NRXN1: variants seen among roughly 807,000 people sequenced by gnomAD.
The protein encoded by NRXN1 is neurexin 1.
In NRXN1, 39 loss-of-function variants were observed where a neutral mutation model predicts 150.9. The observed-to-expected ratio is 0.26, with a 90% confidence interval of 0.20 to 0.34. The LOEUF is 0.34. NRXN1 is among the 10% of genes least tolerant of loss of function. The pLI is 1.00. For synonymous variants in NRXN1, 924 were observed against 757.0 expected (o/e 1.22, Z -3.62); for missense variants, 1,815 against 1,949.9 (o/e 0.93, Z 1.30).
intron 5 of NRXN1, among the ~76,000 whole-genome samples, chr2:50,647,847 GA>G (rs761508694): frequency 4.4e-4 from 66 of 151,690 alleles, no homozygotes; most frequent in Admixed American, 9.2e-4. Context: ...AATGACAGAA[GA>G]AGAAAAATAC....
intron 2 of NRXN1, among the ~76,000 whole-genome samples, chr2:51,004,865 A>G (rs1700516405): frequency 6.6e-6 from 1 of 151,992 alleles, no homozygotes; most frequent in African/African-American, 2.4e-5. Flanking sequence ...CTTAGTAAGC[A>G]CTGAAATAGA....
intron 5 of NRXN1, among the ~76,000 whole-genome samples, chr2:50,856,605 C>T (rs965842102): frequency 4.6e-5 from 7 of 152,146 alleles, no homozygotes; most frequent in Non-Finnish European, 7.4e-5. Flanking sequence ...TATAAATTAT[C>T]CACATTTCCC....
intron 5 of NRXN1, among the ~76,000 whole-genome samples, chr2:50,798,319 A>T (rs551101127): frequency 1.3e-5 from 2 of 152,236 alleles, no homozygotes; most frequent in Non-Finnish European, 2.9e-5. Context: ...TTGTATAATT[A>T]GAAAAAGCTT....
At chr2:50,692,034 T>G (rs939993196) in intron 5 of NRXN1, among the ~76,000 whole-genome samples, 15 of 152,108 alleles carry the variant, frequency 9.9e-5, no homozygotes, top group African/African-American at 3.6e-4. Flanking sequence ...CGTCTGTGTG[T>G]GAAAACAAAA....
intron 21 of NRXN1, among the ~76,000 whole-genome samples, chr2:50,003,026 C>T (rs1364673383): frequency 1.3e-5 from 2 of 151,998 alleles, no homozygotes; most frequent in South Asian, 2.1e-4. Context: ...AGAGTCTGGG[C>T]CAAAAGATTT....
At chr2:50,882,738 A>G (rs1223621474) in intron 5 of NRXN1, among the ~76,000 whole-genome samples, 1 of 151,884 alleles carries the variant, frequency 6.6e-6, no homozygotes, top group African/African-American at 2.4e-5. Flanking sequence ...AGCATTTCTT[A>G]GAAATTCCTT....
In NRXN1 at chr2:50,301,243, G is replaced by A. The variant is rs1213898228; in HGVS notation, c.3365-64273C>T. 4.6e-5 allele frequency among the ~76,000 whole-genome samples: 7 copies of A among 152,138 alleles called. No homozygotes were observed. In the East Asian group the frequency reaches 1.4e-3, roughly 29 times the overall value. The stretch of plus-strand genomic sequence containing the variant: ...GCAAACACACTATAGCCCTTACCAT[G>A]TGCCAGGCAGTGTCCTGAGTGCTTT... On this transcript the variant is annotated intron_variant, in intron 17 of 22. Coordinates refer to ENST00000401669, the MANE Select transcript of NRXN1 (RefSeq NM_001330078.2).
chr2:50,755,427 C>A (rs1701052464), intron 5 of NRXN1, among the ~76,000 whole-genome samples: 1 of 151,742 alleles, frequency 6.6e-6, no homozygotes, highest in Non-Finnish European at 1.5e-5. Context: ...AAACACAAAA[C>A]CAGAAAGCTT....
chr2:50,251,448 G>A (rs866385960), intron 17 of NRXN1, among the ~76,000 whole-genome samples: 1 of 152,044 alleles, frequency 6.6e-6, no homozygotes, highest in South Asian at 2.1e-4. Flanking sequence ...CATTTGGAGT[G>A]GTTCCATGTC....
At chr2:50,149,465 T>A (rs897143403) in intron 18 of NRXN1, among the ~76,000 whole-genome samples, 6 of 151,758 alleles carry the variant, frequency 4.0e-5, no homozygotes, top group Admixed American at 3.3e-4. Flanking sequence ...GCAAATGATA[T>A]GGAATACCAT....
chr2:50,156,050 A>G (rs190462039), intron 18 of NRXN1, among the ~76,000 whole-genome samples: 181 of 151,892 alleles, frequency 1.2e-3, no homozygotes, highest in African/African-American at 4.1e-3. Flanking sequence ...TTTAGCATTT[A>G]TCTCTGGATG....
At chr2:50,737,523 A>G (rs1698914796) in intron 5 of NRXN1, among the ~76,000 whole-genome samples, 1 of 152,182 alleles carries the variant, frequency 6.6e-6, no homozygotes, top group Admixed American at 6.5e-5. Flanking sequence ...CTGGGATGTG[A>G]ACCCAGGTTG....
At chr2:50,893,680 G>A (rs574686870) in intron 5 of NRXN1, among the ~76,000 whole-genome samples, 1 of 152,226 alleles carries the variant, frequency 6.6e-6, no homozygotes, top group South Asian at 2.1e-4. Flanking sequence ...GTAATGTACA[G>A]TCAGCATATA....
chr2:49,941,556 A>G (rs914551817), intron 22 of NRXN1, among the ~76,000 whole-genome samples: 3 of 152,110 alleles, frequency 2.0e-5, no homozygotes, highest in African/African-American at 4.8e-5. Context: ...TTTAAGTGCA[A>G]TTAGTTACTG....
At chr2:50,483,698 G>A (rs1046943007) in intron 15 of NRXN1, among the ~76,000 whole-genome samples, 3 of 152,108 alleles carry the variant, frequency 2.0e-5, no homozygotes, top group Non-Finnish European at 4.4e-5. Flanking sequence ...GCACTTCAGC[G>A]TTTGACTCCC....
intron 17 of NRXN1, among the ~76,000 whole-genome samples, chr2:50,433,056 G>C (rs902212038): frequency 6.6e-6 from 1 of 152,108 alleles, no homozygotes; most frequent in African/African-American, 2.4e-5. Context: ...ATGATACATA[G>C]AAGGAAACAC....
intron 18 of NRXN1, among the ~76,000 whole-genome samples, chr2:50,105,753 G>A (rs111804541): frequency 3.3e-5 from 5 of 151,946 alleles, no homozygotes; most frequent in South Asian, 2.1e-4. Context: ...AGCAGCTCAG[G>A]TGTTCCATGT....
intron 2 of NRXN1, among the ~76,000 whole-genome samples, chr2:50,974,063 C>T (rs948820775): frequency 1.3e-5 from 2 of 152,126 alleles, no homozygotes; most frequent in African/African-American, 4.8e-5. Flanking sequence ...GAAGTGCGTT[C>T]TACTCTAAGT....
At chr2:50,883,718 GAATA>G (rs1181623226) in intron 5 of NRXN1, among the ~76,000 whole-genome samples, 2 of 151,718 alleles carry the variant, frequency 1.3e-5, no homozygotes, top group Non-Finnish European at 2.9e-5. Context: ...GTTAGTAGCA[GAATA>G]AATAAATTGT....
Sources: allele counts gnomAD v4.1 joint callset (sites outside exome capture counted in the v4.1 genomes callset), GRCh38; gene constraint gnomAD v4.1.1; transcripts MANE v1.5; gene names NCBI Gene and HGNC (gene_info 2026-07-23, HGNC 2026-07-21).